The following CTNNA2 variants were observed in gnomAD, a reference collection of about 807,000 sequenced individuals.
CTNNA2 encodes the protein catenin alpha 2.
In CTNNA2, 42 loss-of-function variants were observed where a neutral mutation model predicts 101.0. That is an observed-to-expected ratio of 0.42 (90% CI 0.32 to 0.54). The LOEUF is 0.54. CTNNA2 is among the 20% of genes least tolerant of loss of function. CTNNA2 has a pLI of 0.14. For missense variants in CTNNA2, 871 were observed against 1,223.1 expected (o/e 0.71, Z 4.29); for synonymous variants, 450 against 456.4 (o/e 0.99, Z 0.18).
intron 4 of CTNNA2, among the ~76,000 whole-genome samples, chr2:79,502,064 G>T (rs891145964): frequency 6.7e-6 from 1 of 149,200 alleles, no homozygotes; most frequent in Non-Finnish European, 1.5e-5. Context: ...TCCCCACCAT[G>T]CTTCACTGCC....
rs371896628 is a variant in CTNNA2 at position 80,390,857 on chromosome 2, C to T, written c.1057-2354C>T. ...TTTAAAAATATTACATTAGGTCGGGCGTGGTGGCTCATGCCTGTAATACCA... is the reference window on the plus strand; with the variant it reads ...TTTAAAAATATTACATTAGGTCGGGTGTGGTGGCTCATGCCTGTAATACCA... On this transcript the variant is annotated intron_variant, in intron 7 of 18. Coordinates refer to ENST00000402739, the MANE Select transcript of CTNNA2 (RefSeq NM_001282597.3). Among the ~76,000 whole-genome samples, 17 of 152,024 alleles carry T rather than the reference C, an allele frequency of 1.1e-4. No homozygotes were observed. The East Asian group carries it at 1.4e-3, about 12-fold the overall frequency.
intron 3 of CTNNA2, among the ~76,000 whole-genome samples, chr2:79,323,388 T>A (rs982274729): frequency 2.6e-5 from 4 of 151,928 alleles, no homozygotes; most frequent in African/African-American, 9.7e-5. Context: ...GTTCAAAGAG[T>A]CTACGTAACT....
chr2:79,335,313 A>G (rs1410282739), intron 3 of CTNNA2, among the ~76,000 whole-genome samples: 1 of 152,190 alleles, frequency 6.6e-6, no homozygotes, highest in Non-Finnish European at 1.5e-5. Flanking sequence ...CATTTCACCT[A>G]AAGAGAACAA....
At chr2:80,619,022 C>CTTTTTTTTTTTTTTTTTTTTTTTTTT (rs56987036) in intron 17 of CTNNA2, 63 bp from the exon 18 acceptor site, 1 of 839,812 alleles carries the variant, frequency 1.2e-6, no homozygotes, top group Non-Finnish European at 1.6e-6. Context: ...AAGTAGGGTA[C>CTTTTTTTTTTTTTTTTTTTTTTTTTT]TTTTTTTTTT....
chr2:80,294,353 T>A (rs1356840897), intron 7 of CTNNA2, among the ~76,000 whole-genome samples: 1 of 152,154 alleles, frequency 6.6e-6, no homozygotes, highest in African/African-American at 2.4e-5. Context: ...TGCTTGCACG[T>A]CTTTCTTCTA....
Position 80,567,511 on chromosome 2 carries a change from ACT to A in CTNNA2, c.1742-6647_1742-6646del, listed in dbSNP as rs545669620. ...TTAGGGCCCCAGTAGTTGATATCAC[ACT>A]CTCTTTTACCCTTTTTTCCTCTCTT... is the stretch of plus-strand genomic sequence containing the variant. On this transcript the variant is annotated intron_variant, in intron 12 of 18. Transcript: ENST00000402739. Among the ~76,000 whole-genome samples the A allele has an allele frequency of 2.4e-3, 369 of 151,742 alleles. 3 individuals are homozygous for A. The highest frequency in any genetic ancestry group is 7.4e-3 in the African/African-American group (307 of 41,344).
At chr2:79,768,089 G>T (rs1303791526) in intron 3 of CTNNA2, among the ~76,000 whole-genome samples, 2 of 151,722 alleles carry the variant, frequency 1.3e-5, no homozygotes, top group Non-Finnish European at 2.9e-5. Context: ...GAGATCTGTG[G>T]TTCACCCTGG....
chr2:79,393,763 T>C (rs1297341584), intron 4 of CTNNA2, among the ~76,000 whole-genome samples: 1 of 151,508 alleles, frequency 6.6e-6, no homozygotes, highest in Non-Finnish European at 1.5e-5. Flanking sequence ...CTATTCTCCA[T>C]CACAGCTCCA....
At chr2:79,219,455 A>G (rs1674313535) in intron 2 of CTNNA2, among the ~76,000 whole-genome samples, 2 of 152,228 alleles carry the variant, frequency 1.3e-5, no homozygotes, top group Admixed American at 1.3e-4. Context: ...AATTCTTTTT[A>G]TTTTACCTTA....
chr2:79,639,524 TA>T (rs1680302928), intron 1 of CTNNA2, among the ~76,000 whole-genome samples: 1 of 152,306 alleles, frequency 6.6e-6, no homozygotes, highest in African/African-American at 2.4e-5. Context: ...ACACTGTAAT[TA>T]AATTTGAGTT....
intron 4 of CTNNA2, among the ~76,000 whole-genome samples, chr2:79,400,090 G>A (rs1678273417): frequency 6.6e-6 from 1 of 152,022 alleles, no homozygotes; most frequent in Non-Finnish European, 1.5e-5. Context: ...GGTCCAGAAA[G>A]GCAGGACAAC....
At chr2:79,540,386 G>C (rs1673333409) in intron 1 of CTNNA2, among the ~76,000 whole-genome samples, 1 of 152,148 alleles carries the variant, frequency 6.6e-6, no homozygotes, top group Non-Finnish European at 1.5e-5. Flanking sequence ...TATTTGCAGA[G>C]CACCTTAAAC....
chr2:80,175,790 G>A (rs1705357353), intron 7 of CTNNA2, among the ~76,000 whole-genome samples: 1 of 152,208 alleles, frequency 6.6e-6, no homozygotes, highest in Non-Finnish European at 1.5e-5. Flanking sequence ...CCTTCAGTCT[G>A]TGGCCTAAGG....
At chr2:80,627,945 T>A (rs188392652) in intron 18 of CTNNA2, among the ~76,000 whole-genome samples, 2 of 152,138 alleles carry the variant, frequency 1.3e-5, no homozygotes, top group Admixed American at 1.3e-4. Context: ...GTGCAAAAAT[T>A]GCAAGCATTC....
chr2:80,597,824 T>C (rs1159670410), intron 15 of CTNNA2, among the ~76,000 whole-genome samples: 1 of 152,182 alleles, frequency 6.6e-6, no homozygotes, highest in African/African-American at 2.4e-5. Flanking sequence ...AAACAATAGA[T>C]GCTGGCAAGG....
At chr2:80,042,671 A>G (rs909884067) in intron 7 of CTNNA2, among the ~76,000 whole-genome samples, 12 of 152,214 alleles carry the variant, frequency 7.9e-5, no homozygotes, top group South Asian at 2.1e-4. Context: ...GTTAGGTGTG[A>G]GAAGAGCAAC....
chr2:80,438,008 TCAAACAAA>T (rs10562571), intron 9 of CTNNA2, among the ~76,000 whole-genome samples: 1 of 151,690 alleles, frequency 6.6e-6, no homozygotes, highest in African/African-American at 2.4e-5. Flanking sequence ...AAACTCTGTC[TCAAACAAA>T]CAAACAAACA....
At chr2:80,300,279 GGGGTGTGTGTGTGTGTGTGTGT>G (rs1250575246) in intron 7 of CTNNA2, among the ~76,000 whole-genome samples, 16 of 128,082 alleles carry the variant, frequency 1.2e-4, no homozygotes, top group Admixed American at 3.1e-4. Context: ...CTGGGGTGTT[GGGGTGTGTGTGTGTGTGTGTGT>G]GTGTGTGTGT....
intron 7 of CTNNA2, chr2:80,313,605 G>A (rs1358967702): frequency 6.2e-7 from 1 of 1,611,268 alleles, no homozygotes; most frequent in Non-Finnish European, 8.5e-7. Context: ...GGCAAAGTCT[G>A]TGAAAAAAAT....
Sources: gnomAD v4.1 joint callset for allele counts (sites outside exome capture counted in the v4.1 genomes callset) on GRCh38, gnomAD v4.1.1 for gene constraint, MANE v1.5 for transcripts, NCBI Gene and HGNC (gene_info 2026-07-23, HGNC 2026-07-21) for gene names.